The following FSTL5 variants were observed in gnomAD, a reference collection of about 807,000 sequenced individuals.
FSTL5 encodes follistatin-related protein 5.
A neutral mutation model predicts 89.1 loss-of-function variants in FSTL5; 62 were observed. That is an observed-to-expected ratio of 0.70 (90% CI 0.57 to 0.86). The LOEUF is 0.86. Ranked by LOEUF, FSTL5 falls within the 40% of genes least tolerant of loss-of-function variation. The pLI, the probability that FSTL5 is intolerant of heterozygous loss-of-function variation, is 0.00. For missense variants in FSTL5, 1,057 were observed against 1,001.6 expected (o/e 1.06, Z -0.75); for synonymous variants, 383 against 346.2 (o/e 1.11, Z -1.18).
At chr4:161,699,973 C>T (rs1344127962) in intron 6 of FSTL5, among the ~76,000 whole-genome samples, 2 of 152,198 alleles carry the variant, frequency 1.3e-5, no homozygotes, top group Non-Finnish European at 2.9e-5. Flanking sequence ...TTTAAGTGTT[C>T]CAGTTCTTAA....
At chr4:162,100,584 G>T (rs1042532568) in intron 2 of FSTL5, among the ~76,000 whole-genome samples, 2 of 152,146 alleles carry the variant, frequency 1.3e-5, no homozygotes, top group South Asian at 4.1e-4. Context: ...TACTATAGTG[G>T]TGGATACATG....
intron 4 of FSTL5, among the ~76,000 whole-genome samples, chr4:161,793,620 T>TA (rs1729543454): frequency 6.6e-6 from 1 of 151,150 alleles, no homozygotes; most frequent in Admixed American, 6.6e-5. Context: ...GTCATTTTTT[T>TA]TTTTCTGAGA....
chr4:161,972,480 T>G (rs1405041894), intron 3 of FSTL5, among the ~76,000 whole-genome samples: 3 of 152,066 alleles, frequency 2.0e-5, no homozygotes, highest in Admixed American at 1.3e-4. Context: ...TGGAGCAAGC[T>G]CCCATGTTGT....
chr4:162,114,381 A>T (rs1455790707), intron 1 of FSTL5, among the ~76,000 whole-genome samples: 1 of 152,166 alleles, frequency 6.6e-6, no homozygotes, highest in Non-Finnish European at 1.5e-5. Flanking sequence ...GAGAGTCAAG[A>T]AAGAGGCATG....
At chr4:161,798,851 C>G (rs1004044303) in intron 4 of FSTL5, among the ~76,000 whole-genome samples, 1 of 151,430 alleles carries the variant, frequency 6.6e-6, no homozygotes, top group Admixed American at 6.6e-5. Context: ...GAAAAAAACC[C>G]TAAAACATTA....
At chr4:161,904,336 A>C (rs1418251151) in intron 4 of FSTL5, among the ~76,000 whole-genome samples, 1 of 152,106 alleles carries the variant, frequency 6.6e-6, no homozygotes, top group African/African-American at 2.4e-5. Flanking sequence ...ATCATTACTT[A>C]AAATGGCTCC....
chr4:161,747,724 A>C (rs1348653234), intron 6 of FSTL5, among the ~76,000 whole-genome samples: 2 of 152,212 alleles, frequency 1.3e-5, no homozygotes, highest in African/African-American at 4.8e-5. Flanking sequence ...GGAAGGACAC[A>C]TTTTACAATG....
chr4:161,424,964 C>T (rs1732122150), intron 15 of FSTL5, among the ~76,000 whole-genome samples: 1 of 152,184 alleles, frequency 6.6e-6, no homozygotes, highest in Non-Finnish European at 1.5e-5. Context: ...GTTCTGTTTT[C>T]TTGTTCCCAC....
intron 2 of FSTL5, among the ~76,000 whole-genome samples, chr4:162,077,866 T>C (rs1050314679): frequency 7.2e-5 from 11 of 151,854 alleles, no homozygotes; most frequent in African/African-American, 1.4e-4. Flanking sequence ...TATTGCAATA[T>C]ATTAAACAAA....
At position 161,709,808 on chromosome 4, in the gene FSTL5, TA is replaced by T. The variant is rs1056826736; in HGVS notation, c.727+49602del. The stretch of plus-strand genomic sequence containing the variant: ...ACCCTGTTTAAAAAAATAAATTAAA[TA>T]AAAAAAAGGTTTAAAAATTGGAATT... On this transcript the variant is annotated intron_variant, in intron 6 of 15. Transcript: ENST00000306100. Among the ~76,000 whole-genome samples the T allele has an allele frequency of 1.3e-3, 199 of 151,426 alleles. 1 individual carries two copies. Among genetic ancestry groups the T allele is most frequent in the African/African-American group, 4.6e-3 (192 of 41,310 alleles).
chr4:162,072,481 TTATC>T (rs1372091815), intron 2 of FSTL5, among the ~76,000 whole-genome samples: 5 of 151,814 alleles, frequency 3.3e-5, no homozygotes, highest in African/African-American at 1.2e-4. Context: ...TCACAAGTAA[TTATC>T]TACTACTTTA....
chr4:161,746,809 C>A (rs879767220), intron 6 of FSTL5, among the ~76,000 whole-genome samples: 2 of 151,968 alleles, frequency 1.3e-5, no homozygotes, highest in African/African-American at 2.4e-5. Flanking sequence ...ACTCTAACCC[C>A]TTCCTCCTAA....
At chr4:161,600,166 C>G (rs1734176733) in intron 7 of FSTL5, among the ~76,000 whole-genome samples, 1 of 136,688 alleles carries the variant, frequency 7.3e-6, no homozygotes, top group Non-Finnish European at 1.5e-5. Flanking sequence ...TAAACACACA[C>G]ACACACACAC....
chr4:161,857,345 T>C (rs545604500), intron 4 of FSTL5, among the ~76,000 whole-genome samples: 144 of 152,330 alleles, frequency 9.5e-4, no homozygotes, highest in African/African-American at 3.2e-3. Context: ...CAGTATTTTC[T>C]GTGATTTGGT....
intron 1 of FSTL5, among the ~76,000 whole-genome samples, chr4:162,112,735 T>C (rs1260109989): frequency 6.6e-6 from 1 of 151,058 alleles, no homozygotes; most frequent in Non-Finnish European, 1.5e-5. Context: ...ATCAGGCCAT[T>C]AAACTGACTT....
chr4:161,451,423 G>A (rs1733159184), intron 15 of FSTL5, among the ~76,000 whole-genome samples: 1 of 152,098 alleles, frequency 6.6e-6, no homozygotes, highest in East Asian at 1.9e-4. Context: ...AAAACTGGAG[G>A]AAAAATGAGA....
intron 8 of FSTL5, among the ~76,000 whole-genome samples, chr4:161,565,651 C>A (rs1423806604): frequency 6.6e-6 from 1 of 150,856 alleles, no homozygotes; most frequent in Non-Finnish European, 1.5e-5. Flanking sequence ...AATATCTTTG[C>A]TATGGCATGA....
At chr4:161,601,916 A>T (rs1001058332) in intron 7 of FSTL5, among the ~76,000 whole-genome samples, 7 of 152,166 alleles carry the variant, frequency 4.6e-5, no homozygotes, top group Admixed American at 1.3e-4. Flanking sequence ...ATTTCAACTA[A>T]AAATTATGAG....
intron 6 of FSTL5, among the ~76,000 whole-genome samples, chr4:161,735,044 C>T (rs2126765795): frequency 6.6e-6 from 1 of 152,258 alleles, no homozygotes; most frequent in South Asian, 2.1e-4. Context: ...CCCCACTTTC[C>T]AATGCCAATC....
Sources: allele counts gnomAD v4.1 joint callset (sites outside exome capture counted in the v4.1 genomes callset), GRCh38; gene constraint gnomAD v4.1.1; transcripts MANE v1.5; gene names NCBI Gene and HGNC (gene_info 2026-07-23, HGNC 2026-07-21).